The following EVL variants were observed in gnomAD, a reference collection of about 807,000 sequenced individuals.
EVL encodes Enah/Vasp-like.
EVL carries 21 observed loss-of-function variants against 59.6 expected under a neutral mutation model. The observed-to-expected ratio is 0.35, with a 90% CI of 0.25 to 0.51. EVL has a LOEUF of 0.51. EVL is among the 20% of genes least tolerant of loss of function. The pLI, the probability that EVL is intolerant of heterozygous loss-of-function variation, is 0.97. For synonymous variants in EVL, 198 were observed against 203.5 expected, an observed-to-expected ratio of 0.97 and a Z score of 0.23; for missense variants, 462 against 546.6, an observed-to-expected ratio of 0.85 and a Z score of 1.54.
chr14:100,126,120 T>C (rs1166403874), intron 4 of EVL, among the ~76,000 whole-genome samples: 2 of 152,208 alleles, frequency 1.3e-5, no homozygotes, highest in Non-Finnish European at 2.9e-5. Flanking sequence ...AGCTTGCCTT[T>C]AAGAGCACCC....
chr14:100,012,556 G>C (rs1256203168), intron 1 of EVL, among the ~76,000 whole-genome samples: 1 of 152,194 alleles, frequency 6.6e-6, no homozygotes, highest in Non-Finnish European at 1.5e-5. Flanking sequence ...ACTGGAAAGA[G>C]GACTGCTGAC....
chr14:100,066,148 A>G (rs2061925921), intron 1 of EVL, among the ~76,000 whole-genome samples: 1 of 152,214 alleles, frequency 6.6e-6, no homozygotes, highest in Non-Finnish European at 1.5e-5. Flanking sequence ...AGATGATAGG[A>G]CAGACAGACT....
At chr14:100,070,393 A>G (rs1566996449) in intron 1 of EVL, among the ~76,000 whole-genome samples, 1 of 152,168 alleles carries the variant, frequency 6.6e-6, no homozygotes, top group Non-Finnish European at 1.5e-5. Context: ...TCAAAGCTAA[A>G]CTTGTCCCAA....
chr14:100,132,434 T>C (rs1038769658), intron 7 of EVL, among the ~76,000 whole-genome samples: 15 of 152,100 alleles, frequency 9.9e-5, no homozygotes, highest in African/African-American at 3.1e-4. Context: ...CCTCAGATGC[T>C]ACAGCTGCTG....
At chr14:100,110,876 A>G (rs926665064) in intron 3 of EVL, among the ~76,000 whole-genome samples, 3 of 152,208 alleles carry the variant, frequency 2.0e-5, no homozygotes, top group African/African-American at 7.2e-5. Context: ...CCCAGGCGCC[A>G]TGTGCCCAGT....
At chr14:100,065,575 T>C in intron 1 of EVL, 64 bp downstream of exon 1, 20 of 995,470 alleles carry the variant, frequency 2.0e-5, no homozygotes, top group Non-Finnish European at 2.9e-5. Context: ...ATCTTAACGG[T>C]GAATGGGCTG....
intron 1 of EVL, among the ~76,000 whole-genome samples, chr14:100,068,621 T>C (rs1190964): frequency 0.61 from 92,987 of 151,934 alleles, 31,633 homozygotes; most frequent in Non-Finnish European, 0.75. Context: ...GGGTAGGCGG[T>C]GAGAAGTCAC....
intron 1 of EVL, among the ~76,000 whole-genome samples, chr14:99,982,775 T>C (rs1326015997): frequency 1.3e-5 from 2 of 152,240 alleles, no homozygotes; most frequent in African/African-American, 4.8e-5. Flanking sequence ...TTAAAAAGAA[T>C]TTGAGTTAGA....
In EVL at chr14:100,141,236, G is replaced by A. The variant is rs780286713; in HGVS notation, c.1151G>A (p.Arg384Gln). 8.1e-6 allele frequency: 13 copies of A among 1,613,808 alleles called. No homozygotes were observed. Among genetic ancestry groups the A allele is most frequent in the Admixed American group, 3.3e-5 (2 of 60,022 alleles). Residue 384 changes from arginine (R) to glutamine (Q), a missense_variant, in exon 12 of 14, where the codon CGG (arginine) becomes CAG (glutamine). By Grantham distance (43) the Arg-to-Gln change is conservative. Transcript: ENST00000392920. Reference protein sequence around the residue: ...DMALDAFDLDRMKQEILEEVV... With the variant: ...DMALDAFDLDQMKQEILEEVV... ...GCCCTGGATGCCTTCGACTTGGACCGGATGAAGCAGGTGAGCATGCCCTGT... is the reference window on the plus strand; with the variant it reads ...GCCCTGGATGCCTTCGACTTGGACCAGATGAAGCAGGTGAGCATGCCCTGT...
intron 3 of EVL, among the ~76,000 whole-genome samples, chr14:100,118,512 A>G (rs566272277): frequency 1.3e-5 from 2 of 152,310 alleles, no homozygotes; most frequent in African/African-American, 2.4e-5. Context: ...TGCTTGCAGA[A>G]TAGCAGCAAA....
chr14:100,058,128 C>T (rs2061763884), intron 1 of EVL, among the ~76,000 whole-genome samples: 1 of 152,196 alleles, frequency 6.6e-6, no homozygotes, highest in South Asian at 2.1e-4. Flanking sequence ...AGTTGACTTT[C>T]CCAAGTCACC....
chr14:100,049,943 T>A (rs2061619789), intron 1 of EVL, among the ~76,000 whole-genome samples: 1 of 152,216 alleles, frequency 6.6e-6, no homozygotes, highest in African/African-American at 2.4e-5. Flanking sequence ...TAGCCTAATG[T>A]TCCCAAGGTT....
chr14:100,036,913 G>A (rs551774872), intron 1 of EVL, among the ~76,000 whole-genome samples: 1 of 152,296 alleles, frequency 6.6e-6, no homozygotes, highest in Admixed American at 6.5e-5. Flanking sequence ...CTTAAGAGTG[G>A]CCCCTAGTCC....
At chr14:100,021,708 A>T (rs1248703182) in intron 1 of EVL, among the ~76,000 whole-genome samples, 3 of 152,132 alleles carry the variant, frequency 2.0e-5, no homozygotes, top group Non-Finnish European at 4.4e-5. Flanking sequence ...ATTTCTAACA[A>T]CTTCCCAGGT....
At chr14:100,046,729 G>A (rs1023661924) in intron 1 of EVL, among the ~76,000 whole-genome samples, 3 of 150,968 alleles carry the variant, frequency 2.0e-5, no homozygotes, top group Admixed American at 2.0e-4. Context: ...CTAAACGTCA[G>A]GAGGGTTGAT....
At chr14:100,055,922 C>T (rs552641185) in intron 1 of EVL, among the ~76,000 whole-genome samples, 2 of 152,178 alleles carry the variant, frequency 1.3e-5, no homozygotes, top group Non-Finnish European at 2.9e-5. Context: ...AGCCATTCTC[C>T]TGTCTCAGCA....
At chr14:100,081,690 C>T (rs59603830) in intron 1 of EVL, among the ~76,000 whole-genome samples, 19,541 of 152,170 alleles carry the variant, frequency 0.13, 2,604 homozygotes, top group African/African-American at 0.34. Flanking sequence ...TAGCGGTTCT[C>T]TACGTGCCGT....
At chr14:100,005,630 T>C (rs1335923224) in intron 1 of EVL, among the ~76,000 whole-genome samples, 1 of 143,638 alleles carries the variant, frequency 7.0e-6, no homozygotes, top group Non-Finnish European at 1.5e-5. Flanking sequence ...GCCTTTTAAA[T>C]ACACACACAC....
intron 1 of EVL, among the ~76,000 whole-genome samples, chr14:100,068,183 G>A (rs1052083042): frequency 1.3e-5 from 2 of 152,154 alleles, no homozygotes; most frequent in African/African-American, 4.8e-5. Flanking sequence ...ACATGAGGCA[G>A]CCATGCTAAA....
Sources: allele counts gnomAD v4.1 joint callset (sites outside exome capture counted in the v4.1 genomes callset), GRCh38; gene constraint gnomAD v4.1.1; transcripts MANE v1.5; gene names NCBI Gene and HGNC (gene_info 2026-07-23, HGNC 2026-07-21).